The following IQCH variants were observed in gnomAD, a reference collection of about 807,000 sequenced individuals.
The protein encoded by IQCH is IQ domain-containing protein H.
IQCH carries 98 observed loss-of-function variants against 117.0 expected under a neutral mutation model. The ratio of observed to expected loss-of-function variants is 0.84; its 90% CI spans 0.71 to 0.99. The LOEUF (loss-of-function observed/expected upper bound fraction) is 0.99, where lower values mean the gene tolerates loss of function less well. Among genes scored for constraint, IQCH ranks in the 50% least tolerant of loss-of-function variants. The probability of loss-of-function intolerance (pLI) is 0.00; values close to 1 mark genes in which losing one functional copy is unlikely to be tolerated. For synonymous variants in IQCH, 412 were observed against 448.2 expected, an observed-to-expected ratio of 0.92 and a Z score of 1.02; for missense variants, 1,102 against 1,243.8, an observed-to-expected ratio of 0.89 and a Z score of 1.72.
At chr15:67,280,029 T>C (rs1309613314) in intron 4 of IQCH, among the ~76,000 whole-genome samples, 3 of 151,902 alleles carry the variant, frequency 2.0e-5, no homozygotes, top group East Asian at 3.9e-4. Context: ...AAAAAAAATG[T>C]GAATTTTATG....
chr15:67,335,870 G>T (rs1050824023), intron 4 of IQCH, among the ~76,000 whole-genome samples: 1 of 152,074 alleles, frequency 6.6e-6, no homozygotes, highest in South Asian at 2.1e-4. Context: ...CCACATCCTG[G>T]CAGTGGGGGC....
Position 67,364,143 on chromosome 15 carries a change from A to G in IQCH, c.753+4258A>G, listed in dbSNP as rs1038645832. On this transcript the variant is annotated intron_variant, in intron 8 of 20. Coordinates refer to ENST00000335894, the MANE Select transcript of IQCH (RefSeq NM_001031715.3). The surrounding 1 kb of genome is among the most constrained non-coding windows in gnomAD (Gnocchi z 4.1). ...TTGAGAAGTCACTAAACTGCTTTCT[A>G]TAATGGCTGAACTAATTTACATTCC... Among the ~76,000 whole-genome samples, 2 of 152,230 alleles carry G rather than the reference A, an allele frequency of 1.3e-5. No individual in the cohort carries two copies. Among genetic ancestry groups the G allele is most frequent in the Non-Finnish European group, 2.9e-5 (2 of 68,036 alleles).
chr15:67,422,046 C>T lies in IQCH; in HGVS notation c.2505+469C>T, dbSNP rs1342291907. On this transcript the variant is annotated intron_variant, in intron 16 of 20. Transcript: ENST00000335894. This position sits in a 1 kb window ranked among gnomAD's most constrained non-coding sequence, Gnocchi z 4.7. ...CCCGGGAGGCAGAGGTTGCAATGAG[C>T]CGAGATCATGCTACTACACTCCAGC... 6.6e-6 allele frequency among the ~76,000 whole-genome samples: 1 copy of T among 151,772 alleles called. No homozygotes were observed. The highest frequency in any genetic ancestry group is 1.5e-5 in the Non-Finnish European group (1 of 67,976).
At chr15:67,412,769 A>G (rs1465013105) in intron 14 of IQCH, among the ~76,000 whole-genome samples, 1 of 152,214 alleles carries the variant, frequency 6.6e-6, no homozygotes, top group Admixed American at 6.5e-5. Context: ...TTCAATATAT[A>G]TACACTTTGG....
At chr15:67,440,052 G>A (rs568814501) in intron 16 of IQCH, among the ~76,000 whole-genome samples, 9 of 151,902 alleles carry the variant, frequency 5.9e-5, no homozygotes, top group Admixed American at 1.3e-4. Flanking sequence ...AACTGACACC[G>A]CAGAAAGACA....
At chr15:67,295,571 T>C (rs546158100) in intron 4 of IQCH, among the ~76,000 whole-genome samples, 1 of 152,330 alleles carries the variant, frequency 6.6e-6, no homozygotes, top group East Asian at 1.9e-4. Flanking sequence ...AGTACTGAGC[T>C]AGGAGGCGTC....
chr15:67,490,934 A>G lies in IQCH; in HGVS notation c.2861+870A>G, dbSNP rs2083637351. ...CCTCCTATCTAGGACTCAGAATTTT[A>G]GAGCTACAACCTTGAGTCATCTCTT... On this transcript the variant is annotated intron_variant, in intron 19 of 20. Transcript: ENST00000335894. The surrounding 1 kb of genome is among the most constrained non-coding windows in gnomAD (Gnocchi z 4.9). Among the ~76,000 whole-genome samples the G allele has an allele frequency of 6.6e-6, 1 of 152,232 alleles. No homozygotes were observed. The highest frequency in any genetic ancestry group is 1.5e-5 in the Non-Finnish European group (1 of 68,042).
Position 67,254,895 on chromosome 15 carries a change from C to T in IQCH, c.-2C>T, listed in dbSNP as rs1733623552. 2 of 1,613,564 alleles carry T rather than the reference C, an allele frequency of 1.2e-6. No individual in the cohort carries two copies. The highest frequency in any genetic ancestry group is 1.3e-5 in the African/African-American group (1 of 74,922). The stretch of plus-strand genomic sequence containing the variant: ...CGGAGGTAGCCGTTCCCTGACCTAG[C>T]CATGGCACAGAACACTGAAAACCAC... On this transcript the variant is annotated 5_prime_UTR_variant, in exon 1 of 21. Transcript: ENST00000335894.
At position 67,424,386 on chromosome 15, in the gene IQCH, T is replaced by C. The variant is rs1266597636; in HGVS notation, c.2505+2809T>C. On this transcript the variant is annotated intron_variant, in intron 16 of 20. Coordinates refer to ENST00000335894, the MANE Select transcript of IQCH (RefSeq NM_001031715.3). The surrounding 1 kb of genome is among the most constrained non-coding windows in gnomAD (Gnocchi z 4.9). ...CCTTTTTTAGGTTTTCATATCATTG[T>C]GTAGCTGTGTGTGAGCATTCCTCGT... Among the ~76,000 whole-genome samples, 1 of 152,262 alleles carries C rather than the reference T, an allele frequency of 6.6e-6. No homozygotes were observed. Among genetic ancestry groups the C allele is most frequent in the Non-Finnish European group, 1.5e-5 (1 of 68,050 alleles).
intron 13 of IQCH, among the ~76,000 whole-genome samples, chr15:67,397,820 TG>T (rs1971519868): frequency 6.6e-6 from 1 of 152,224 alleles, no homozygotes; most frequent in Non-Finnish European, 1.5e-5. Flanking sequence ...AAAGTCATTT[TG>T]TTTAGGATTA....
intron 18 of IQCH, among the ~76,000 whole-genome samples, chr15:67,485,187 C>T (rs2083441729): frequency 6.6e-6 from 1 of 152,052 alleles, no homozygotes. Flanking sequence ...TTCAAGAAAA[C>T]ATATATGTTT....
At chr15:67,327,470 C>A (rs1373229170) in intron 4 of IQCH, among the ~76,000 whole-genome samples, 3 of 152,172 alleles carry the variant, frequency 2.0e-5, no homozygotes, top group Non-Finnish European at 2.9e-5. Flanking sequence ...GAGTCCTTAT[C>A]TGCTCATTCT....
At chr15:67,398,250 G>A (rs1009558622) in intron 13 of IQCH, among the ~76,000 whole-genome samples, 2 of 152,100 alleles carry the variant, frequency 1.3e-5, no homozygotes, top group Admixed American at 1.3e-4. Context: ...AATTTTATCT[G>A]ATGTTAACAG....
intron 20 of IQCH, among the ~76,000 whole-genome samples, chr15:67,497,660 A>C (rs1455698983): frequency 6.6e-6 from 1 of 151,908 alleles, no homozygotes; most frequent in Non-Finnish European, 1.5e-5. Flanking sequence ...TGCCTGGCTA[A>C]TTTTTTATAT....
intron 4 of IQCH, among the ~76,000 whole-genome samples, chr15:67,329,953 A>G (rs892710040): frequency 6.6e-6 from 1 of 152,156 alleles, no homozygotes; most frequent in Non-Finnish European, 1.5e-5. Context: ...TACAACCATA[A>G]TTAACAGTTT....
intron 4 of IQCH, among the ~76,000 whole-genome samples, chr15:67,329,298 C>A (rs1306333863): frequency 3.4e-4 from 48 of 142,872 alleles, no homozygotes; most frequent in African/African-American, 5.4e-4. Context: ...GACCTTGTCT[C>A]AAAAAAAAAA....
rs1211464429 is a variant in IQCH at position 67,337,047 on chromosome 15, G to C, written c.460G>C (p.Asp154His). 1 of 1,613,622 alleles carries C rather than the reference G, an allele frequency of 6.2e-7. No homozygotes were observed. Among genetic ancestry groups the C allele is most frequent in the Admixed American group, 1.7e-5 (1 of 59,978 alleles). Residue 154 changes from aspartate (D) to histidine (H), a missense_variant, in exon 5 of 21, where the codon GAT becomes CAT. Coordinates refer to ENST00000335894, the MANE Select transcript of IQCH (RefSeq NM_001031715.3). ...LTVLPSSHCT[D>H]PYFTPIPVLQ... The stretch of plus-strand genomic sequence containing the variant: ...GGTTCTGCCATCTTCTCATTGCACA[G>C]ATCCCTATTTCACTCCTATACCAGT...
chr15:67,371,083 A>G (rs566248158), intron 8 of IQCH, among the ~76,000 whole-genome samples: 4 of 152,280 alleles, frequency 2.6e-5, no homozygotes, highest in African/African-American at 7.2e-5. Context: ...AAAACAATCT[A>G]TTCCTCACAT....
intron 4 of IQCH, among the ~76,000 whole-genome samples, chr15:67,328,502 A>T (rs1320454613): frequency 6.6e-6 from 1 of 152,214 alleles, no homozygotes; most frequent in Non-Finnish European, 1.5e-5. Flanking sequence ...AAACTATAGA[A>T]AATCAGAGGA....
Sources: allele counts gnomAD v4.1 joint callset (sites outside exome capture counted in the v4.1 genomes callset), GRCh38; gene constraint gnomAD v4.1.1; non-coding constraint Gnocchi (gnomAD v3.1); transcripts MANE v1.5; gene names NCBI Gene and HGNC (gene_info 2026-07-23, HGNC 2026-07-21).